The following PACRG variants were observed in gnomAD, a reference collection of about 807,000 sequenced individuals.
PACRG encodes the protein parkin coregulated gene protein.
Under a neutral mutation model 29.7 loss-of-function variants are expected in PACRG, and 29 were observed. That is an observed-to-expected ratio of 0.98 (90% CI 0.73 to 1.33). The LOEUF (loss-of-function observed/expected upper bound fraction) is 1.33. PACRG is among the 40% of genes most tolerant of loss of function. The pLI is 0.00. For synonymous variants in PACRG, 116 were observed against 118.7 expected, an observed-to-expected ratio of 0.98 and a Z score of 0.15; for missense variants, 279 against 316.2, an observed-to-expected ratio of 0.88 and a Z score of 0.89.
intron 4 of PACRG, among the ~76,000 whole-genome samples, chr6:163,299,456 G>C (rs1363658696): frequency 6.6e-6 from 1 of 152,224 alleles, no homozygotes; most frequent in Non-Finnish European, 1.5e-5. Context: ...GTGATGAGGA[G>C]AGTGGAGGAC....
intron 2 of PACRG, among the ~76,000 whole-genome samples, chr6:162,890,320 G>C (rs769344638): frequency 5.3e-5 from 8 of 152,034 alleles, no homozygotes; most frequent in Non-Finnish European, 1.2e-4. Flanking sequence ...CTTATGATAT[G>C]ATATGATGAA....
intron 1 of PACRG, among the ~76,000 whole-genome samples, chr6:162,749,758 G>T (rs1025487144): frequency 6.6e-6 from 1 of 152,144 alleles, no homozygotes; most frequent in Non-Finnish European, 1.5e-5. Context: ...GACCTCAGAT[G>T]ATCTGCCCGC....
chr6:163,226,117 A>G (rs1781784542), intron 4 of PACRG, among the ~76,000 whole-genome samples: 1 of 152,238 alleles, frequency 6.6e-6, no homozygotes. Flanking sequence ...ACATAAAGAC[A>G]AAAACTGCGT....
At chr6:162,747,358 A>G (rs1258367592) in intron 1 of PACRG, among the ~76,000 whole-genome samples, 2,252 of 65,006 alleles carry the variant, frequency 0.035, 291 homozygotes, top group African/African-American at 0.2. Context: ...ATATATATAT[A>G]TATATACACA....
chr6:162,820,963 T>C (rs1229605833), intron 2 of PACRG, among the ~76,000 whole-genome samples: 1 of 151,946 alleles, frequency 6.6e-6, no homozygotes, highest in African/African-American at 2.4e-5. Flanking sequence ...TTCCAGAAGT[T>C]TTGAAAAAAA....
chr6:162,830,361 C>T (rs1788651193), intron 2 of PACRG, among the ~76,000 whole-genome samples: 1 of 152,192 alleles, frequency 6.6e-6, no homozygotes, highest in African/African-American at 2.4e-5. Context: ...ACCCACATGG[C>T]TCCAGCCATA....
intron 4 of PACRG, among the ~76,000 whole-genome samples, chr6:163,249,812 T>G (rs1021324938): frequency 6.6e-6 from 1 of 152,228 alleles, no homozygotes; most frequent in African/African-American, 2.4e-5. Flanking sequence ...AAACTGAAGT[T>G]TGAGTCAGAA....
At position 163,075,636 on chromosome 6, in the gene PACRG, G is replaced by A. The variant is rs1472244310; in HGVS notation, c.463+13315G>A. On this transcript the variant is annotated intron_variant, in intron 3 of 4. Coordinates refer to ENST00000366888, the MANE Select transcript of PACRG (RefSeq NM_001080379.2). ...AATCAAGCCAATTTACAACATTAAT[G>A]AATTAAAAAATGATTATTTAATAAA... 9.2e-5 allele frequency among the ~76,000 whole-genome samples: 14 copies of A among 152,036 alleles called. No homozygotes were observed. In the East Asian group the frequency reaches 2.7e-3, roughly 29 times the overall value.
At chr6:163,134,931 A>AC (rs1246117073) in intron 4 of PACRG, among the ~76,000 whole-genome samples, 1 of 151,952 alleles carries the variant, frequency 6.6e-6, no homozygotes, top group East Asian at 1.9e-4. Flanking sequence ...CCACCTGTGG[A>AC]CCCCTCCTGT....
intron 2 of PACRG, among the ~76,000 whole-genome samples, chr6:162,936,417 A>G (rs374778525): frequency 6.6e-6 from 1 of 152,312 alleles, no homozygotes; most frequent in Admixed American, 6.5e-5. Flanking sequence ...TTCACTCAAC[A>G]TGATATGTTT....
At chr6:163,116,936 C>G (rs144229355) in intron 4 of PACRG, among the ~76,000 whole-genome samples, 2 of 152,076 alleles carry the variant, frequency 1.3e-5, no homozygotes, top group Admixed American at 6.6e-5. Flanking sequence ...GATCCCCAGA[C>G]GAGCACTCAC....
chr6:162,730,101 A>G (rs985437787), intron 1 of PACRG, among the ~76,000 whole-genome samples: 11 of 150,472 alleles, frequency 7.3e-5, no homozygotes, highest in African/African-American at 2.2e-4. Flanking sequence ...TGCTAAGCAC[A>G]GTTCTGGGGA....
chr6:162,947,573 C>CAT (rs1209027610), intron 2 of PACRG, among the ~76,000 whole-genome samples: 6 of 57,402 alleles, frequency 1.0e-4, no homozygotes, highest in Admixed American at 5.1e-4. Context: ...TATATATACT[C>CAT]ATATATAATC....
chr6:162,985,571 C>A (rs1194826045), intron 2 of PACRG, among the ~76,000 whole-genome samples: 1 of 152,028 alleles, frequency 6.6e-6, no homozygotes, highest in Non-Finnish European at 1.5e-5. Flanking sequence ...ATAATAAAAG[C>A]CATGTATGAC....
intron 2 of PACRG, among the ~76,000 whole-genome samples, chr6:163,014,440 C>T (rs1484872019): frequency 1.3e-5 from 2 of 152,050 alleles, no homozygotes; most frequent in South Asian, 2.1e-4. Context: ...AAACTGTTTT[C>T]CACAGTGGCT....
rs1306056527 is a variant in PACRG, at chr6:162,747,359, T to C, written c.156+18968T>C. Among the ~76,000 whole-genome samples the C allele has an allele frequency of 2.5e-3, 150 of 59,256 alleles. 26 individuals are homozygous for C. Among genetic ancestry groups the C allele is most frequent in the East Asian group, 0.011 (18 of 1,632 alleles). The allele number at this position is 59,256 out of a possible 152,430, so 38.9% of individuals were successfully genotyped here. ...ATATATATATATATATATATATATA[T>C]ATATACACATACATATATATGTATA... On this transcript the variant is annotated intron_variant, in intron 1 of 4. Coordinates refer to ENST00000366888, the MANE Select transcript of PACRG (RefSeq NM_001080379.2).
At chr6:163,219,864 A>G (rs1031111740) in intron 4 of PACRG, among the ~76,000 whole-genome samples, 7 of 152,122 alleles carry the variant, frequency 4.6e-5, no homozygotes, top group Non-Finnish European at 7.4e-5. Context: ...CCCGGTCTCC[A>G]TGGGGTGCTC....
chr6:162,947,784 G>C (rs1799353777), intron 2 of PACRG, among the ~76,000 whole-genome samples: 1 of 148,762 alleles, frequency 6.7e-6, no homozygotes, highest in South Asian at 2.1e-4. Flanking sequence ...AAATCAAGAA[G>C]GTAATCCATT....
chr6:163,238,056 A>G (rs946650735), intron 4 of PACRG, among the ~76,000 whole-genome samples: 2 of 152,232 alleles, frequency 1.3e-5, no homozygotes, highest in African/African-American at 4.8e-5. Flanking sequence ...CCACTGTGGA[A>G]GGGAGTGTTG....
Sources: gnomAD v4.1 joint callset for allele counts (sites outside exome capture counted in the v4.1 genomes callset) on GRCh38, gnomAD v4.1.1 for gene constraint, MANE v1.5 for transcripts, NCBI Gene and HGNC (gene_info 2026-07-23, HGNC 2026-07-21) for gene names.